The following DCDC1 variants were observed in gnomAD, a reference collection of about 807,000 sequenced individuals.
The protein encoded by DCDC1 is doublecortin domain containing 1, also known as doublecortin domain-containing protein 1.
A neutral mutation model predicts 178.3 loss-of-function variants in DCDC1; 200 were observed. The observed-to-expected ratio is 1.12, with a 90% CI of 1.00 to 1.26. The LOEUF is 1.26. DCDC1 is among the 50% of genes most tolerant of loss of function. The probability of loss-of-function intolerance (pLI) is 0.00; values close to 1 mark genes in which losing one functional copy is unlikely to be tolerated. For missense variants in DCDC1, 1,983 were observed against 1,749.2 expected, an observed-to-expected ratio of 1.13 and a Z score of -2.38; for synonymous variants, 690 against 604.8, an observed-to-expected ratio of 1.14 and a Z score of -2.07.
chr11:31,130,811 T>C (rs948237216), intron 10 of DCDC1, among the ~76,000 whole-genome samples: 1 of 151,646 alleles, frequency 6.6e-6, no homozygotes, highest in Non-Finnish European at 1.5e-5. Flanking sequence ...TTGGATATCA[T>C]GGGAATGGAA....
intron 18 of DCDC1, among the ~76,000 whole-genome samples, chr11:31,065,490 G>A (rs1956194611): frequency 6.6e-6 from 1 of 152,100 alleles, no homozygotes; most frequent in African/African-American, 2.4e-5. Flanking sequence ...CACAACACAT[G>A]TATGTAATTG....
chr11:31,201,680 A>C (rs967283935), intron 9 of DCDC1, among the ~76,000 whole-genome samples: 7 of 152,164 alleles, frequency 4.6e-5, no homozygotes, highest in Non-Finnish European at 2.9e-5. Flanking sequence ...AAAAAAGACA[A>C]TGAAATGCAA....
At chr11:30,907,797 C>G (rs1945169725) in intron 29 of DCDC1, among the ~76,000 whole-genome samples, 1 of 152,190 alleles carries the variant, frequency 6.6e-6, no homozygotes, top group Non-Finnish European at 1.5e-5. Flanking sequence ...GACCCCAGCT[C>G]TAATCGCCGG....
chr11:31,202,287 G>C (rs1971376750), intron 9 of DCDC1, among the ~76,000 whole-genome samples: 1 of 152,050 alleles, frequency 6.6e-6, no homozygotes, highest in Non-Finnish European at 1.5e-5. Flanking sequence ...TTTATGCCAG[G>C]CGCAATGGCT....
chr11:31,022,388 C>CA (rs1565192309), intron 20 of DCDC1, among the ~76,000 whole-genome samples: 1 of 152,040 alleles, frequency 6.6e-6, no homozygotes, highest in Non-Finnish European at 1.5e-5. Flanking sequence ...CAAAGGACAC[C>CA]AGTCGTATTG....
chr11:31,020,946 G>A (rs1200378825), intron 20 of DCDC1, among the ~76,000 whole-genome samples: 1 of 152,162 alleles, frequency 6.6e-6, no homozygotes, highest in Non-Finnish European at 1.5e-5. Flanking sequence ...ATAGAAAAAT[G>A]GGTAAAGATA....
chr11:31,098,186 T>A (rs1958274893), intron 15 of DCDC1, among the ~76,000 whole-genome samples: 2 of 152,212 alleles, frequency 1.3e-5, no homozygotes. Flanking sequence ...CAGGCATTCC[T>A]AAAGCTATTC....
At chr11:31,340,712 T>C (rs1391946357) in intron 1 of DCDC1, among the ~76,000 whole-genome samples, 1 of 152,210 alleles carries the variant, frequency 6.6e-6, no homozygotes, top group African/African-American at 2.4e-5. Context: ...GAAGGAATTC[T>C]TCCAGCAGGT....
At chr11:31,094,378 C>G (rs1485449264) in intron 15 of DCDC1, among the ~76,000 whole-genome samples, 194 bp from the exon 16 acceptor site, 2 of 152,122 alleles carry the variant, frequency 1.3e-5, no homozygotes, top group Non-Finnish European at 2.9e-5. Context: ...ATGCAAGACC[C>G]TATGCTGTGT....
chr11:31,089,159 T>C (rs1472831701), intron 17 of DCDC1, among the ~76,000 whole-genome samples: 3 of 152,188 alleles, frequency 2.0e-5, no homozygotes, highest in Non-Finnish European at 4.4e-5. Flanking sequence ...TTAAGGTCTT[T>C]ATATTGCCTT....
At chr11:31,247,651 G>A (rs184047853) in intron 8 of DCDC1, among the ~76,000 whole-genome samples, 4 of 151,912 alleles carry the variant, frequency 2.6e-5, no homozygotes, top group East Asian at 1.9e-4. Flanking sequence ...TTTCCAATAC[G>A]CTTTATGCCT....
intron 17 of DCDC1, among the ~76,000 whole-genome samples, chr11:31,089,765 C>G (rs1957695629): frequency 6.6e-6 from 1 of 152,028 alleles, no homozygotes. Flanking sequence ...TAGTTTTAAT[C>G]TCTTGAAATT....
intron 20 of DCDC1, among the ~76,000 whole-genome samples, chr11:31,006,191 A>G (rs936688528): frequency 1.3e-5 from 2 of 152,030 alleles, no homozygotes; most frequent in South Asian, 2.1e-4. Flanking sequence ...TTCTCATTCA[A>G]TTCTTTTTGA....
At chr11:31,146,512 G>A (rs1041330455) in intron 9 of DCDC1, among the ~76,000 whole-genome samples, 2 of 152,170 alleles carry the variant, frequency 1.3e-5, no homozygotes, top group Non-Finnish European at 2.9e-5. Flanking sequence ...CAAGGTGTTG[G>A]GGGAAGGGGC....
intron 9 of DCDC1, among the ~76,000 whole-genome samples, chr11:31,142,474 ATG>A (rs546867051): frequency 7.9e-6 from 1 of 127,156 alleles, no homozygotes; most frequent in African/African-American, 2.9e-5. Flanking sequence ...TTTTCAAAGG[ATG>A]TGTGTGTGTG....
intron 12 of DCDC1, among the ~76,000 whole-genome samples, chr11:31,107,279 T>C (rs1306687036): frequency 6.6e-6 from 1 of 152,156 alleles, no homozygotes; most frequent in African/African-American, 2.4e-5. Context: ...GTAACGGTCC[T>C]CTTTGATAAG....
Position 30,918,020 on chromosome 11 carries a change from T to A in DCDC1, c.3294-992A>T, listed in dbSNP as rs1172549765. On this transcript the variant is annotated intron_variant, in intron 25 of 38. Coordinates refer to ENST00000684477, the MANE Select transcript of DCDC1 (RefSeq NM_001387274.1). ...AACTACAGGCAGCACAAGCGGCTTCTGAAGGCAAACCTCTCCCTTTACAGT... is the reference window on the plus strand; with the variant it reads ...AACTACAGGCAGCACAAGCGGCTTCAGAAGGCAAACCTCTCCCTTTACAGT... Among the ~76,000 whole-genome samples, 3 of 151,596 alleles carry A rather than the reference T, an allele frequency of 2.0e-5. 1 individual carries two copies. The East Asian group carries it at 5.8e-4, about 29-fold the overall frequency.
chr11:31,271,378 C>A (rs1183337562), intron 7 of DCDC1, among the ~76,000 whole-genome samples: 1 of 152,180 alleles, frequency 6.6e-6, no homozygotes, highest in African/African-American at 2.4e-5. Flanking sequence ...TCTCAACTAG[C>A]CTGTTACCAC....
chr11:31,030,326 A>G lies in DCDC1; in HGVS notation c.2591+34143T>C, dbSNP rs549173306. On this transcript the variant is annotated intron_variant, in intron 20 of 38. Transcript: ENST00000684477. ...GAAGGGCACCACACAGTTGGTAGAC[A>G]TAAATTAAGGGCCCTTTCACATATG... Among the ~76,000 whole-genome samples, 11 of 152,268 alleles carry G rather than the reference A, an allele frequency of 7.2e-5. No homozygotes were observed. In the South Asian group the frequency reaches 1.7e-3, roughly 23 times the overall value.
Sources: gnomAD v4.1 joint callset for allele counts (sites outside exome capture counted in the v4.1 genomes callset) on GRCh38, gnomAD v4.1.1 for gene constraint, MANE v1.5 for transcripts, NCBI Gene and HGNC (gene_info 2026-07-23, HGNC 2026-07-21) for gene names.